The following KIF13A variants were observed in gnomAD, a reference collection of about 807,000 sequenced individuals.
KIF13A encodes kinesin-like protein KIF13A.
KIF13A carries 79 observed loss-of-function variants against 212.2 expected under a neutral mutation model. The observed-to-expected ratio is 0.37, with a 90% confidence interval of 0.31 to 0.45. KIF13A has a LOEUF of 0.45. KIF13A is among the 20% of genes least tolerant of loss of function. KIF13A has a pLI of 1.00. For missense variants in KIF13A, 1,901 were observed against 2,209.0 expected (o/e 0.86, Z 2.79); for synonymous variants, 789 against 808.6 (o/e 0.98, Z 0.41).
chr6:17,828,157 T>A lies in KIF13A; in HGVS notation c.1532+83A>T, dbSNP rs1401888750. ...CATGTATCCTTAACTTTAATATAGCTGAAAGCAAACAGAAAGAGGCAGCCT... is the reference window on the plus strand; with the variant it reads ...CATGTATCCTTAACTTTAATATAGCAGAAAGCAAACAGAAAGAGGCAGCCT... On this transcript the variant is annotated intron_variant, in intron 14 of 38. Transcript: ENST00000259711. The surrounding 1 kb of genome is among the most constrained non-coding windows in gnomAD (Gnocchi z 4.3). 4.9e-6 allele frequency: 7 copies of A among 1,427,534 alleles called. No homozygotes were observed. Among genetic ancestry groups the A allele is most frequent in the Non-Finnish European group, 6.7e-6 (7 of 1,052,284 alleles). The allele number at this position is 1,427,534 out of a possible 1,614,324, so 88.4% of individuals were successfully genotyped here.
chr6:17,896,851 G>C (rs1352568139), intron 3 of KIF13A, among the ~76,000 whole-genome samples: 2 of 152,164 alleles, frequency 1.3e-5, no homozygotes, highest in Admixed American at 1.3e-4. Flanking sequence ...TTTCTGTGGG[G>C]GAATACTTTG....
intron 20 of KIF13A, among the ~76,000 whole-genome samples, chr6:17,801,987 T>G (rs1561991190): frequency 6.6e-6 from 1 of 152,248 alleles, no homozygotes; most frequent in Non-Finnish European, 1.5e-5. Context: ...TATTCTAAAA[T>G]TTGCATTCTT....
rs1024936924 is a variant in KIF13A, at chr6:17,961,887, T to C, written c.146+25167A>G. On this transcript the variant is annotated intron_variant, in intron 2 of 38. Transcript: ENST00000259711. The surrounding 1 kb of genome is among the most constrained non-coding windows in gnomAD (Gnocchi z 4.1). ...GGTGCTTAGTGTTTGGTTGGCAACA[T>C]TGTCTATTTTCCACATCTTAAAATT... 5.3e-5 allele frequency among the ~76,000 whole-genome samples: 8 copies of C among 152,198 alleles called. No individual in the cohort carries two copies. Among genetic ancestry groups the C allele is most frequent in the Non-Finnish European group, 8.8e-5 (6 of 68,034 alleles).
In KIF13A at chr6:17,951,773, A is replaced by C. The variant is rs78738565; in HGVS notation, c.146+35281T>G. Among the ~76,000 whole-genome samples, 179 of 152,318 alleles carry C rather than the reference A, an allele frequency of 1.2e-3. 2 individuals carry two copies. The highest frequency in any genetic ancestry group is 3.9e-3 in the African/African-American group (161 of 41,570). ...ATGTTATGTTTACAAAAAGTTCATC[A>C]ATGTTATATATGGCATGTCACCACT... On this transcript the variant is annotated intron_variant, in intron 2 of 38. Coordinates refer to ENST00000259711, the MANE Select transcript of KIF13A (RefSeq NM_022113.6). This position sits in a 1 kb window ranked among gnomAD's most constrained non-coding sequence, Gnocchi z 4.9.
Position 17,963,950 on chromosome 6 carries a change from C to T in KIF13A, c.146+23104G>A, listed in dbSNP as rs913356287. Among the ~76,000 whole-genome samples the T allele has an allele frequency of 2.0e-5, 3 of 152,262 alleles. No individual in the cohort carries two copies. The highest frequency in any genetic ancestry group is 7.2e-5 in the African/African-American group (3 of 41,556). On this transcript the variant is annotated intron_variant, in intron 2 of 38. Transcript: ENST00000259711. This position sits in a 1 kb window ranked among gnomAD's most constrained non-coding sequence, Gnocchi z 4.1. Reference sequence around the variant, plus strand: ...TACCCTTAAAATGGGTGCATTTTATCGTAGATAAATTTACACCTCAGCTAG... The same window carrying T: ...TACCCTTAAAATGGGTGCATTTTATTGTAGATAAATTTACACCTCAGCTAG...
chr6:17,898,040 T>G lies in KIF13A; in HGVS notation c.159+128A>C. The G allele has an allele frequency of 3.8e-6, 3 of 779,636 alleles. No individual in the cohort carries two copies. The highest frequency in any genetic ancestry group is 2.7e-5 in the East Asian group (1 of 37,092). 48.3% of individuals were successfully genotyped at this position (779,636 alleles called of 1,614,324 possible). ...ACACTGATATTAATTGTTCATGATG[T>G]GAGTTTTAAATTAGGATGCTGTTTT... On this transcript the variant is annotated intron_variant, in intron 3 of 38. Coordinates refer to ENST00000259711, the MANE Select transcript of KIF13A (RefSeq NM_022113.6). The surrounding 1 kb of genome is among the most constrained non-coding windows in gnomAD (Gnocchi z 5.2).
chr6:17,798,794 T>G (rs569681264), intron 22 of KIF13A, among the ~76,000 whole-genome samples: 37 of 152,364 alleles, frequency 2.4e-4, no homozygotes, highest in Admixed American at 2.1e-3. Context: ...AAACTCTATA[T>G]GAAACATATC....
chr6:17,771,153 G>A lies in KIF13A; in HGVS notation c.4542C>T (p.Ser1514=). 1 of 1,613,292 alleles carries A rather than the reference G, an allele frequency of 6.2e-7. No homozygotes were observed. The highest frequency in any genetic ancestry group is 8.5e-7 in the Non-Finnish European group (1 of 1,179,528). Residue 1514 remains serine, a synonymous_variant, in exon 38 of 39, where the codon AGC becomes AGT. Coordinates refer to ENST00000259711, the MANE Select transcript of KIF13A (RefSeq NM_022113.6). The surrounding 1 kb of genome is among the most constrained non-coding windows in gnomAD (Gnocchi z 5.4). The part of the protein sequence containing the change: ...CIVPSGSNGS[S]MPVEHNSKRE... ...GTTTGCTATTGTGTTCTACTGGCAT[G>A]CTGCTGCCATTGCTTCCTGAGGGTA...
At chr6:17,890,529 C>T (rs1771947795) in intron 3 of KIF13A, among the ~76,000 whole-genome samples, 1 of 152,066 alleles carries the variant, frequency 6.6e-6, no homozygotes. Flanking sequence ...GGTAGTGATT[C>T]TCCACACAAG....
rs375631183 is a variant in KIF13A at position 17,804,430 on chromosome 6, T to A, written c.2385A>T (p.Val795=). Residue 795 remains valine, a synonymous_variant, in exon 20 of 39, where the codon GTA becomes GTT. Transcript: ENST00000259711. The part of the protein sequence containing the change: ...ENHNLIGVAN[V]FLECLFCDVK... Reference sequence around the variant, plus strand: ...CATCACAGAAGAGGCATTCCAAGAATACATTCGCCACCCCGATGAGGTTGT... The same window carrying A: ...CATCACAGAAGAGGCATTCCAAGAAAACATTCGCCACCCCGATGAGGTTGT... 77 of 1,571,162 alleles carry A rather than the reference T, an allele frequency of 4.9e-5. No homozygotes were observed. Among genetic ancestry groups the A allele is most frequent in the Non-Finnish European group, 6.3e-5 (73 of 1,157,310 alleles).
At chr6:17,975,557 C>T (rs534131633) in intron 2 of KIF13A, among the ~76,000 whole-genome samples, 138 of 152,262 alleles carry the variant, frequency 9.1e-4, no homozygotes, top group Non-Finnish European at 1.7e-3. Flanking sequence ...GAAAAAAAAG[C>T]TTCCAGTACA....
rs1761853483 is a variant in KIF13A, at chr6:17,794,366, C to T, written c.3105G>A (p.Val1035=). The T allele has an allele frequency of 6.2e-7, 1 of 1,613,614 alleles. No individual in the cohort carries two copies. Among genetic ancestry groups the T allele is most frequent in the Non-Finnish European group, 8.5e-7 (1 of 1,179,588 alleles). ...GTGTCCCTGAATGCTGCACAGGTTT[C>T]ACCGTGACTTGTACTCTACGGGAAT... The part of the protein sequence containing the change: ...QGHSRRVQVT[V]KPVQHSGTLP... The change falls in exon 25 of 39, where the codon GTG becomes GTA. Residue 1035 remains valine (V), a synonymous_variant. Transcript: ENST00000259711. This position sits in a 1 kb window ranked among gnomAD's most constrained non-coding sequence, Gnocchi z 4.1.
intron 2 of KIF13A, among the ~76,000 whole-genome samples, chr6:17,922,308 T>G (rs1359867883): frequency 6.6e-6 from 1 of 152,190 alleles, no homozygotes; most frequent in Non-Finnish European, 1.5e-5. Context: ...TCAAGGGATC[T>G]GTGGCAAGGT....
At chr6:17,844,929 G>A (rs1195625155) in intron 9 of KIF13A, among the ~76,000 whole-genome samples, 1 of 152,044 alleles carries the variant, frequency 6.6e-6, no homozygotes, top group South Asian at 2.1e-4. Context: ...CAGAATCATG[G>A]AAAGTACTCA....
intron 23 of KIF13A, 124 bp downstream of exon 23, chr6:17,796,545 T>G: frequency 1.9e-6 from 1 of 513,908 alleles, no homozygotes; most frequent in Non-Finnish European, 2.8e-6. Flanking sequence ...TGGCCATTCT[T>G]TTTTTTTTTT....
intron 2 of KIF13A, among the ~76,000 whole-genome samples, chr6:17,920,213 ATCAGCAGGCC>A (rs1035049769): frequency 4.6e-5 from 7 of 152,166 alleles, no homozygotes; most frequent in Non-Finnish European, 8.8e-5. Flanking sequence ...GTATGCCCAA[ATCAGCAGGCC>A]TCAAACCTGT....
At chr6:17,884,215 G>C (rs1303784520) in intron 3 of KIF13A, among the ~76,000 whole-genome samples, 1 of 152,128 alleles carries the variant, frequency 6.6e-6, no homozygotes, top group Non-Finnish European at 1.5e-5. Context: ...CTAAGTAACT[G>C]CACATTTTAC....
chr6:17,911,875 G>A (rs924458332), intron 2 of KIF13A, among the ~76,000 whole-genome samples: 3 of 151,252 alleles, frequency 2.0e-5, no homozygotes, highest in Admixed American at 6.6e-5. Context: ...AGCGATTCTC[G>A]TGAGTCAGCA....
intron 2 of KIF13A, chr6:17,951,000 A>C: frequency 5.1e-6 from 5 of 983,330 alleles, no homozygotes; most frequent in Non-Finnish European, 6.1e-6. Flanking sequence ...ATATAACACT[A>C]TTGAACATAA....
Sources: allele counts gnomAD v4.1 joint callset (sites outside exome capture counted in the v4.1 genomes callset), GRCh38; gene constraint gnomAD v4.1.1; non-coding constraint Gnocchi (gnomAD v3.1); transcripts MANE v1.5; gene names NCBI Gene and HGNC (gene_info 2026-07-23, HGNC 2026-07-21).